FUBP1: variants seen among roughly 807,000 people sequenced by gnomAD.
FUBP1 encodes the protein far upstream element binding protein 1.
A neutral mutation model predicts 94.9 loss-of-function variants in FUBP1; 16 were observed. That is an observed-to-expected ratio of 0.17 (90% CI 0.11 to 0.26). The LOEUF (loss-of-function observed/expected upper bound fraction) is 0.26, where lower values mean the gene tolerates loss of function less well. Among genes scored for constraint, FUBP1 ranks in the 10% least tolerant of loss-of-function variants. FUBP1 has a pLI of 1.00. For synonymous variants in FUBP1, 279 were observed against 254.9 expected (o/e 1.09, Z -0.90); for missense variants, 583 against 808.6 (o/e 0.72, Z 3.38).
chr1:77,964,112 G>C lies in FUBP1; in HGVS notation c.991C>G (p.Arg331Gly), dbSNP rs1288498901. ...ATAATTTCTGCAGCATGTTGACATC[G>C]GTCTGGAGGTCCTGTTATTTGTGCT... ...RIAQITGPPDRCQHAAEIITD... is the reference protein window; with the variant it reads ...RIAQITGPPDGCQHAAEIITD... Residue 331 changes from arginine (R) to glycine (G), a missense_variant, in exon 12 of 20, where the codon CGA becomes GGA. Coordinates refer to ENST00000370768, the MANE Select transcript of FUBP1 (RefSeq NM_003902.5). 4.4e-6 allele frequency: 7 copies of C among 1,607,874 alleles called. No individual in the cohort carries two copies. The East Asian group carries it at 1.6e-4, about 36-fold the overall frequency.
At chr1:77,965,463 G>C (rs1318594015) in intron 7 of FUBP1, among the ~76,000 whole-genome samples, 1 of 152,100 alleles carries the variant, frequency 6.6e-6, no homozygotes, top group Admixed American at 6.5e-5. Context: ...TTATTTTTAA[G>C]AATAGTCCAA....
intron 17 of FUBP1, among the ~76,000 whole-genome samples, chr1:77,956,074 A>T (rs950487178): frequency 6.6e-6 from 1 of 152,234 alleles, no homozygotes; most frequent in South Asian, 2.1e-4. Context: ...AAAATACTTT[A>T]AAAATATAAC....
intron 18 of FUBP1, among the ~76,000 whole-genome samples, chr1:77,952,771 A>G (rs1653722111): frequency 6.6e-6 from 1 of 152,236 alleles, no homozygotes; most frequent in Non-Finnish European, 1.5e-5. Flanking sequence ...GAAAAAGACA[A>G]ATTGACTCCG....
In FUBP1 at chr1:77,969,990, G is replaced by A. The variant is rs2102454908; in HGVS notation, c.146C>T (p.Ala49Val). The change falls in exon 2 of 20, where the codon GCA (alanine) becomes GTA (valine). Residue 49 changes from alanine to valine, a missense_variant. By Grantham distance (64) the Ala-to-Val change is moderately conservative. Transcript: ENST00000370768. Reference sequence around the variant, plus strand: ...GTCATTTGAATTCAGTGATGTCCCTGCATCACCTCCAATTTTTGCTGCAAT... The same window carrying A: ...GTCATTTGAATTCAGTGATGTCCCTACATCACCTCCAATTTTTGCTGCAAT... ...RQIAAKIGGD[A>V]GTSLNSNDYG... 6.3e-7 allele frequency: 1 copy of A among 1,579,994 alleles called. No homozygotes were observed. Among genetic ancestry groups the A allele is most frequent in the Non-Finnish European group, 8.6e-7 (1 of 1,158,482 alleles).
At chr1:77,963,739 CGAA>C (rs753590315) in intron 12 of FUBP1, 24 bp from the exon 13 acceptor site, 8 of 1,575,934 alleles carry the variant, frequency 5.1e-6, no homozygotes, top group Non-Finnish European at 6.0e-6. Flanking sequence ...AAGACAAGAA[CGAA>C]GAGTCAGCAC....
intron 2 of FUBP1, 27 bp downstream of exon 2, chr1:77,969,898 A>G (rs1320350702): frequency 9.8e-7 from 1 of 1,015,544 alleles, no homozygotes; most frequent in Admixed American, 2.3e-5. Context: ...CTGAAAAACA[A>G]TTTAAAATAC....
chr1:77,963,608 C>G lies in FUBP1; in HGVS notation c.1149G>C (p.Val383=). The G allele has an allele frequency of 6.3e-7, 1 of 1,596,532 alleles. No homozygotes were observed. Among genetic ancestry groups the G allele is most frequent in the Non-Finnish European group, 8.6e-7 (1 of 1,164,280 alleles). ...PGGLQEFNFI[V]PTGKTGLIIG... is the part of the protein sequence containing the mutation. ...TTATTAATCCAGTTTTCCCAGTTGG[C>G]ACAATAAAATTAAATTCCTGTAGTC... Residue 383 remains valine, a synonymous_variant, in exon 13 of 20, where the codon GTG becomes GTC. Coordinates refer to ENST00000370768, the MANE Select transcript of FUBP1 (RefSeq NM_003902.5).
At chr1:77,978,821 G>A (rs2102559812) in intron 1 of FUBP1, 64 bp downstream of exon 1, 2 of 1,597,632 alleles carry the variant, frequency 1.3e-6, no homozygotes, top group Non-Finnish European at 1.7e-6. Flanking sequence ...AAGGGTAGCG[G>A]CCTACTCAGT....
chr1:77,966,855 C>G (rs1171734782), intron 6 of FUBP1, 29 bp downstream of exon 6: 1 of 1,425,222 alleles, frequency 7.0e-7, no homozygotes, highest in South Asian at 1.2e-5. Flanking sequence ...TCTAGTCACA[C>G]TGAAAATACC....
At chr1:77,959,011 T>C (rs974753905) in intron 16 of FUBP1, among the ~76,000 whole-genome samples, 2 of 152,238 alleles carry the variant, frequency 1.3e-5, no homozygotes, top group African/African-American at 2.4e-5. Context: ...TGCACACCTA[T>C]ATCCTAGCAC....
intron 16 of FUBP1, among the ~76,000 whole-genome samples, chr1:77,957,903 T>C (rs986337222): frequency 2.0e-5 from 3 of 151,714 alleles, no homozygotes; most frequent in South Asian, 4.2e-4. Flanking sequence ...GGAGTTCTCC[T>C]GTCTCAGCCT....
At chr1:77,954,223 A>G (rs1654026136) in intron 18 of FUBP1, among the ~76,000 whole-genome samples, 1 of 152,238 alleles carries the variant, frequency 6.6e-6, no homozygotes, top group African/African-American at 2.4e-5. Context: ...TATTAATAGC[A>G]TCCCTATTCA....
In FUBP1 at chr1:77,948,130, G is replaced by T; in HGVS notation, c.*636C>A. On this transcript the variant is annotated 3_prime_UTR_variant, in exon 20 of 20. Coordinates refer to ENST00000370768, the MANE Select transcript of FUBP1 (RefSeq NM_003902.5). ...TTCACTGTTAATGCAATGGAAGTAT[G>T]CCAAAAGATCATTGTACACACATGC... 1 of 1,037,874 alleles carries T rather than the reference G, an allele frequency of 9.6e-7. No homozygotes were observed. Among genetic ancestry groups the T allele is most frequent in the South Asian group, 4.6e-5 (1 of 21,790 alleles). The allele number at this position is 1,037,874 out of a possible 1,614,324, so 64.3% of individuals were successfully genotyped here.
At chr1:77,956,858 T>C (rs1037867204) in intron 16 of FUBP1, among the ~76,000 whole-genome samples, 158 bp from the exon 17 acceptor site, 1 of 152,072 alleles carries the variant, frequency 6.6e-6, no homozygotes, top group Non-Finnish European at 1.5e-5. Context: ...TTTTCTATTA[T>C]TTTTGTTGTC....
chr1:77,953,151 T>A (rs1653824658), intron 18 of FUBP1, among the ~76,000 whole-genome samples: 1 of 151,618 alleles, frequency 6.6e-6, no homozygotes, highest in South Asian at 2.1e-4. Context: ...AACAACGAGA[T>A]ATGCATGTGA....
rs567375078 is a variant in FUBP1 at position 77,945,295 on chromosome 1, T to C, written c.*3471A>G. 1.2e-4 allele frequency among the ~76,000 whole-genome samples: 19 copies of C among 152,076 alleles called. No individual in the cohort carries two copies. The highest frequency in any genetic ancestry group is 3.9e-4 in the East Asian group (2 of 5,184). ...GCCCCTTTATATTATCAATTGTACATACCTATCATTGACTATTAAAACATA... is the reference window on the plus strand; with the variant it reads ...GCCCCTTTATATTATCAATTGTACACACCTATCATTGACTATTAAAACATA... On this transcript the variant is annotated 3_prime_UTR_variant, in exon 20 of 20. Transcript: ENST00000370768.
At chr1:77,955,003 T>C (rs934133668) in intron 18 of FUBP1, among the ~76,000 whole-genome samples, 2 of 152,206 alleles carry the variant, frequency 1.3e-5, no homozygotes, top group Non-Finnish European at 2.9e-5. Flanking sequence ...ACTGTCATTG[T>C]CAAAAGTATA....
rs1211642941 is a variant in FUBP1, at chr1:77,964,704, C to G, written c.779G>C (p.Gly260Ala). The G allele has an allele frequency of 6.8e-6, 11 of 1,613,206 alleles. No homozygotes were observed. The South Asian group carries it at 1.2e-4, about 18-fold the overall frequency. Residue 260 changes from glycine (G) to alanine (A), a missense_variant, in exon 10 of 20, where the codon GGT (glycine) becomes GCT (alanine). By Grantham distance (60) the Gly-to-Ala change is moderately conservative. Transcript: ENST00000370768. ...MVLELIRDQGGFREVRNEYGS... is the reference protein window; with the variant it reads ...MVLELIRDQGAFREVRNEYGS... Reference sequence around the variant, plus strand: ...ATACTCATTCCGAACTTCTCTGAAACCGCCTTGATCACGAATTAACTCTAA... The same window carrying G: ...ATACTCATTCCGAACTTCTCTGAAAGCGCCTTGATCACGAATTAACTCTAA...
At chr1:77,954,181 A>T (rs1654018620) in intron 18 of FUBP1, among the ~76,000 whole-genome samples, 1 of 152,246 alleles carries the variant, frequency 6.6e-6, no homozygotes, top group South Asian at 2.1e-4. Context: ...AGTTGATTAC[A>T]GGTCCTGACC....
Sources: allele counts gnomAD v4.1 joint callset (sites outside exome capture counted in the v4.1 genomes callset), GRCh38; gene constraint gnomAD v4.1.1; transcripts MANE v1.5; gene names NCBI Gene and HGNC (gene_info 2026-07-23, HGNC 2026-07-21).